KDM1A: variants seen among roughly 807,000 people sequenced by gnomAD.
KDM1A encodes the protein lysine demethylase 1A.
KDM1A carries 49 observed loss-of-function variants against 109.4 expected under a neutral mutation model. That is an observed-to-expected ratio of 0.45 (90% confidence interval 0.36 to 0.57). KDM1A has a LOEUF of 0.57. Among genes scored for constraint, KDM1A ranks in the 20% least tolerant of loss-of-function variants. The probability of loss-of-function intolerance (pLI) is 0.00; values close to 1 mark genes in which losing one functional copy is unlikely to be tolerated. For missense variants in KDM1A, 668 were observed against 1,116.6 expected (o/e 0.60, Z 5.73); for synonymous variants, 380 against 415.4 (o/e 0.91, Z 1.04).
chr1:23,050,891 C>T (rs1436013681), intron 4 of KDM1A, among the ~76,000 whole-genome samples: 1 of 152,060 alleles, frequency 6.6e-6, no homozygotes, highest in Non-Finnish European at 1.5e-5. Flanking sequence ...TCGAGACCAC[C>T]CTGGCCAACA....
intron 19 of KDM1A, chr1:23,081,822 G>C: frequency 2.2e-6 from 1 of 464,530 alleles, no homozygotes; most frequent in Non-Finnish European, 3.8e-6. Context: ...CCAGATCCCT[G>C]ACATTTTAGA....
At chr1:23,028,349 G>T (rs1641874811) in intron 1 of KDM1A, among the ~76,000 whole-genome samples, 1 of 152,132 alleles carries the variant, frequency 6.6e-6, no homozygotes, top group African/African-American at 2.4e-5. Context: ...CCTTTAATGT[G>T]AATTATGACT....
Position 23,079,096 on chromosome 1 carries a change from A to G in KDM1A, c.1974A>G (p.Pro658=). Reference sequence around the variant, plus strand: ...CCCTGGGTGTGCTGAAGCAGCAGCCACCAGCCGTTCAGTTTGTGCCACCTC... The same window carrying G: ...CCCTGGGTGTGCTGAAGCAGCAGCCGCCAGCCGTTCAGTTTGTGCCACCTC... The part of the protein sequence containing the change: ...TLPLGVLKQQ[P]PAVQFVPPLP... The change falls in exon 17 of 21, where the codon CCA becomes CCG. Residue 658 remains proline, a synonymous_variant. Coordinates refer to ENST00000400181, the MANE Select transcript of KDM1A (RefSeq NM_001009999.3). The surrounding 1 kb of genome is among the most constrained non-coding windows in gnomAD (Gnocchi z 5.6). 6.2e-7 allele frequency: 1 copy of G among 1,613,288 alleles called. No homozygotes were observed.
intron 12 of KDM1A, among the ~76,000 whole-genome samples, chr1:23,069,436 T>C (rs551388845): frequency 1.3e-5 from 2 of 152,324 alleles, no homozygotes; most frequent in East Asian, 1.9e-4. Context: ...CTCAGTCACA[T>C]TGGAAGAAGA....
At chr1:23,048,177 G>A (rs2124443339) in intron 3 of KDM1A, among the ~76,000 whole-genome samples, 1 of 152,010 alleles carries the variant, frequency 6.6e-6, no homozygotes, top group East Asian at 1.9e-4. Context: ...GAGATACTTG[G>A]TTGAAATACT....
intron 18 of KDM1A, chr1:23,081,051 A>T (rs889554679): frequency 1.0e-4 from 18 of 174,674 alleles, no homozygotes; most frequent in Admixed American, 9.9e-4. Context: ...GGGGCCTGGG[A>T]TGGCTAAAAG....
Position 23,072,156 on chromosome 1 carries a change from G to C in KDM1A, c.1581G>C (p.Lys527Asn). 6.2e-7 allele frequency: 1 copy of C among 1,611,298 alleles called. No homozygotes were observed. Among genetic ancestry groups the C allele is most frequent in the Non-Finnish European group, 8.5e-7 (1 of 1,178,512 alleles). ...EYDELAETQG[K>N]LEEKLQELEA... ...ATGAATTAGCTGAAACACAAGGAAA[G>C]CTAGAAGAAAAACTTCAGGAGTTGG... The change falls in exon 14 of 21, where the codon AAG (lysine) becomes AAC (asparagine). Residue 527 changes from lysine to asparagine, a missense_variant. Physicochemically the swap from Lys to Asn is moderately conservative, Grantham distance 94. Transcript: ENST00000400181.
At chr1:23,064,031 C>G (rs1040095089) in intron 9 of KDM1A, among the ~76,000 whole-genome samples, 9 of 152,138 alleles carry the variant, frequency 5.9e-5, no homozygotes, top group African/African-American at 1.9e-4. Flanking sequence ...GGACCACAGG[C>G]ACACACCCCT....
chr1:23,054,208 C>T (rs1642756780), intron 5 of KDM1A, among the ~76,000 whole-genome samples: 1 of 152,006 alleles, frequency 6.6e-6, no homozygotes, highest in African/African-American at 2.4e-5. Context: ...GTTATAACTA[C>T]TTTGTGAAGG....
intron 1 of KDM1A, among the ~76,000 whole-genome samples, chr1:23,022,757 C>T (rs1467707255): frequency 7.1e-6 from 1 of 141,734 alleles, no homozygotes; most frequent in Non-Finnish European, 1.5e-5. Context: ...CTCCTGGGTT[C>T]AAGCGATTCT....
At chr1:23,042,440 A>ATTT (rs769149894) in intron 2 of KDM1A, among the ~76,000 whole-genome samples, 51 of 21,560 alleles carry the variant, frequency 2.4e-3, no homozygotes, top group Non-Finnish European at 3.2e-3. Context: ...GAAATATATT[A>ATTT]TTTTTTTTTT....
At chr1:23,049,025 G>A (rs1452222832) in intron 3 of KDM1A, among the ~76,000 whole-genome samples, 1 of 151,658 alleles carries the variant, frequency 6.6e-6, no homozygotes, top group Non-Finnish European at 1.5e-5. Flanking sequence ...GGTGGTGCAT[G>A]CCTGTAGTCC....
rs925524352 is a variant in KDM1A at position 23,083,211 on chromosome 1, T to C, written c.2478T>C (p.His826=). Residue 826 remains histidine, a synonymous_variant, in exon 21 of 21, where the codon CAT becomes CAC. Coordinates refer to ENST00000400181, the MANE Select transcript of KDM1A (RefSeq NM_001009999.3). The stretch of plus-strand genomic sequence containing the variant: ...CACGACTCTTCTTTGCGGGAGAACA[T>C]ACGATCCGTAACTACCCAGCCACAG... The part of the protein sequence containing the change: ...PIPRLFFAGE[H]TIRNYPATVH... 6 of 1,613,366 alleles carry C rather than the reference T, an allele frequency of 3.7e-6. No homozygotes were observed. The African/African-American group carries it at 5.3e-5, about 14-fold the overall frequency.
rs1643558400 is a variant in KDM1A, at chr1:23,079,476, G to C, written c.2056-77G>C. 6 of 1,047,300 alleles carry C rather than the reference G, an allele frequency of 5.7e-6. No homozygotes were observed. The South Asian group carries it at 8.7e-5, about 15-fold the overall frequency. 64.9% of individuals were successfully genotyped at this position (1,047,300 alleles called of 1,614,324 possible). ...GGCTTATTTTGAAAGCAGATTAGAA[G>C]AGACTTTAAGGAAGTCTGTTGAAGC... is the stretch of plus-strand genomic sequence containing the variant. On this transcript the variant is annotated intron_variant, in intron 17 of 20. Transcript: ENST00000400181. The surrounding 1 kb of genome is among the most constrained non-coding windows in gnomAD (Gnocchi z 5.6).
At chr1:23,070,790 A>C (rs576081208) in intron 12 of KDM1A, among the ~76,000 whole-genome samples, 21 of 152,114 alleles carry the variant, frequency 1.4e-4, no homozygotes, top group African/African-American at 4.8e-4. Flanking sequence ...CCTGGGCGAC[A>C]GAGTGAGACT....
At chr1:23,055,258 A>AT in intron 6 of KDM1A, 97 bp downstream of exon 6, 3 of 557,698 alleles carry the variant, frequency 5.4e-6, no homozygotes, top group East Asian at 2.9e-5. Flanking sequence ...TTTTATTTTG[A>AT]TTCATAAGAC....
At chr1:23,049,325 C>T (rs1642594432) in intron 3 of KDM1A, among the ~76,000 whole-genome samples, 1 of 151,864 alleles carries the variant, frequency 6.6e-6, no homozygotes, top group Non-Finnish European at 1.5e-5. Flanking sequence ...AATACATTTG[C>T]ATTTATTGTG....
chr1:23,030,610 G>C lies in KDM1A; in HGVS notation c.493G>C (p.Glu165Gln). The change falls in exon 2 of 21, where the codon GAA becomes CAA. Residue 165 changes from glutamate to glutamine, a missense_variant. Physicochemically the swap from Glu to Gln is conservative, Grantham distance 29. Around this residue, in one of 8 missense-constraint regions of KDM1A, gnomAD observed 149 missense variants for 189.7 expected, o/e 0.79. Transcript: ENST00000400181. Reference protein sequence around the residue: ...PPQAPPEEENESEPEEPSGQA... With the variant: ...PPQAPPEEENQSEPEEPSGQA... ...TCAAGCCCCACCTGAGGAAGAAAAT[G>C]AAAGTGAGCCTGAAGAACCATCGGG... 6.3e-7 allele frequency: 1 copy of C among 1,579,812 alleles called. No individual in the cohort carries two copies. Among genetic ancestry groups the C allele is most frequent in the South Asian group, 1.2e-5 (1 of 84,896 alleles).
chr1:23,045,604 GAT>G (rs1642480377), intron 3 of KDM1A, among the ~76,000 whole-genome samples: 1 of 152,074 alleles, frequency 6.6e-6, no homozygotes, highest in Admixed American at 6.5e-5. Flanking sequence ...AACTGTTGAA[GAT>G]CAGGGATGGC....
Sources: gnomAD v4.1 joint callset for allele counts (sites outside exome capture counted in the v4.1 genomes callset) on GRCh38, gnomAD v4.1.1 for gene constraint, gnomAD v4.1.1 regional missense constraint, Gnocchi (gnomAD v3.1) non-coding constraint, MANE v1.5 for transcripts, NCBI Gene and HGNC (gene_info 2026-07-23, HGNC 2026-07-21) for gene names.